Variants in XKR6 observed in about 807,000 individuals in gnomAD.
XKR6 encodes XK-related protein 6.
Under a neutral mutation model 56.7 loss-of-function variants are expected in XKR6, and 22 were observed. The ratio of observed to expected loss-of-function variants is 0.39; its 90% confidence interval spans 0.28 to 0.55. The LOEUF is 0.55. Ranked by LOEUF, XKR6 falls within the 20% of genes least tolerant of loss-of-function variation. The pLI, the probability that XKR6 is intolerant of heterozygous loss-of-function variation, is 0.66. For missense variants in XKR6, 852 were observed against 889.0 expected (o/e 0.96, Z 0.53); for synonymous variants, 524 against 387.8 (o/e 1.35, Z -4.13).
At chr8:11,039,738 C>T (rs865852171) in intron 1 of XKR6, among the ~76,000 whole-genome samples, 25 of 152,194 alleles carry the variant, frequency 1.6e-4, no homozygotes, top group Admixed American at 5.9e-4. Flanking sequence ...CAGCTGAGAC[C>T]GTAGGGCCTT....
At chr8:11,081,648 C>A (rs76036198) in intron 1 of XKR6, among the ~76,000 whole-genome samples, 1 of 152,166 alleles carries the variant, frequency 6.6e-6, no homozygotes, top group Non-Finnish European at 1.5e-5. Flanking sequence ...CCTTTCCCCA[C>A]GGCTCTGACT....
intron 1 of XKR6, among the ~76,000 whole-genome samples, chr8:11,109,983 T>C (rs1265955212): frequency 6.6e-6 from 1 of 152,206 alleles, no homozygotes; most frequent in African/African-American, 2.4e-5. Flanking sequence ...TTTTGTTTGT[T>C]TGTCTTTGAC....
rs758611449 is a variant in XKR6, at chr8:11,201,024, G to T, written c.316C>A (p.Gln106Lys). The T allele has an allele frequency of 1.9e-5, 23 of 1,207,268 alleles. No individual in the cohort carries two copies. In the African/African-American group the frequency reaches 3.4e-4, roughly 18 times the overall value. 74.8% of individuals were successfully genotyped at this position (1,207,268 alleles called of 1,614,324 possible). The change falls in exon 1 of 3, where the codon CAA (glutamine) becomes AAA (lysine). Residue 106 changes from glutamine to lysine, a missense_variant. Physicochemically the swap from Gln to Lys is moderately conservative, Grantham distance 53. This residue lies in a region of XKR6 where 417 missense variants were observed against 355.2 expected (regional missense o/e 1.17). Coordinates refer to ENST00000416569, the MANE Select transcript of XKR6 (RefSeq NM_173683.4). ...CGCGCGGCCGAGGGCGTCGGGGGTT[G>T]GCGGCCGGCGCCGGGGGCCGCGGGA... ...QPPAAPGAGRQPPTPSAARPE... is the reference protein window; with the variant it reads ...QPPAAPGAGRKPPTPSAARPE...
chr8:11,129,529 A>G (rs1298827932), intron 1 of XKR6, among the ~76,000 whole-genome samples: 1 of 152,194 alleles, frequency 6.6e-6, no homozygotes, highest in Admixed American at 6.5e-5. Flanking sequence ...CATCTTCAAG[A>G]GTCAGTAACT....
chr8:11,171,790 C>A (rs569123891), intron 1 of XKR6, among the ~76,000 whole-genome samples: 1 of 151,944 alleles, frequency 6.6e-6, no homozygotes, highest in Non-Finnish European at 1.5e-5. Flanking sequence ...CAGTGACTCA[C>A]GCCTGTAATC....
chr8:11,078,014 C>A (rs1395993770), intron 1 of XKR6, among the ~76,000 whole-genome samples: 1 of 152,148 alleles, frequency 6.6e-6, no homozygotes. Flanking sequence ...CATGGAAGGA[C>A]CTCAATGCTG....
chr8:11,182,304 C>T (rs548176694), intron 1 of XKR6, among the ~76,000 whole-genome samples: 1 of 152,276 alleles, frequency 6.6e-6, no homozygotes, highest in African/African-American at 2.4e-5. Context: ...AAATACCACA[C>T]AGTTCCTTTA....
At chr8:11,027,097 C>A (rs559352444) in intron 1 of XKR6, among the ~76,000 whole-genome samples, 1 of 152,222 alleles carries the variant, frequency 6.6e-6, no homozygotes, top group South Asian at 2.1e-4. Context: ...CTAGGCTATA[C>A]GGCATAGCCT....
At chr8:10,922,658 A>G (rs943243513) in intron 2 of XKR6, among the ~76,000 whole-genome samples, 1 of 152,176 alleles carries the variant, frequency 6.6e-6, no homozygotes, top group Non-Finnish European at 1.5e-5. Context: ...AGGGACTCCC[A>G]TGGCCGCAGC....
chr8:11,055,560 T>A (rs1279974770), intron 1 of XKR6, among the ~76,000 whole-genome samples: 2 of 152,164 alleles, frequency 1.3e-5, no homozygotes, highest in African/African-American at 4.8e-5. Flanking sequence ...CCGCCCCGCC[T>A]CACAGCACAG....
At chr8:11,089,907 T>A (rs919495583) in intron 1 of XKR6, among the ~76,000 whole-genome samples, 1 of 152,240 alleles carries the variant, frequency 6.6e-6, no homozygotes, top group Non-Finnish European at 1.5e-5. Context: ...TGCACACACA[T>A]AAACATATAT....
At chr8:11,147,894 G>A (rs1801071808) in intron 1 of XKR6, among the ~76,000 whole-genome samples, 1 of 152,020 alleles carries the variant, frequency 6.6e-6, no homozygotes. Context: ...ATTTGGAGAG[G>A]AGGTCTTTAA....
At chr8:10,962,219 T>A (rs998162659) in intron 1 of XKR6, among the ~76,000 whole-genome samples, 5 of 152,150 alleles carry the variant, frequency 3.3e-5, no homozygotes, top group African/African-American at 1.2e-4. Flanking sequence ...TTTAAATGCT[T>A]CCCCTAAAAC....
chr8:10,900,832 T>C (rs994767742), intron 2 of XKR6, among the ~76,000 whole-genome samples: 2 of 144,286 alleles, frequency 1.4e-5, no homozygotes, highest in African/African-American at 2.5e-5. Flanking sequence ...TGCAGATTTC[T>C]GGAGGGCAGA....
chr8:11,145,741 T>A (rs1319263254), intron 1 of XKR6, among the ~76,000 whole-genome samples: 2 of 152,132 alleles, frequency 1.3e-5, no homozygotes, highest in African/African-American at 2.4e-5. Context: ...TATTCATGGG[T>A]CAGAAGGTTT....
intron 1 of XKR6, among the ~76,000 whole-genome samples, chr8:11,175,864 A>T (rs11986909): frequency 0.029 from 4,419 of 152,206 alleles, 228 homozygotes; most frequent in African/African-American, 0.099. Flanking sequence ...ATTCATCATG[A>T]TCCATCTTTT....
chr8:10,989,317 T>C (rs373882954), intron 1 of XKR6, among the ~76,000 whole-genome samples: 1 of 152,240 alleles, frequency 6.6e-6, no homozygotes, highest in Non-Finnish European at 1.5e-5. Context: ...TTTCGTTGAA[T>C]TGTCTGTAAG....
chr8:11,111,008 A>ATT (rs58233543), intron 1 of XKR6, among the ~76,000 whole-genome samples: 1,229 of 113,962 alleles, frequency 0.011, 93 homozygotes, highest in African/African-American at 0.037. Context: ...GGCTTTTTCT[A>ATT]TTTTTTTTTT....
rs866019112 is a variant in XKR6 at position 11,114,761 on chromosome 8, G to C, written c.764+85815C>G. Among the ~76,000 whole-genome samples the C allele has an allele frequency of 2.0e-3, 276 of 140,564 alleles. 12 individuals carry two copies. The South Asian group carries it at 0.059, about 30-fold the overall frequency. The allele number at this position is 140,564 out of a possible 152,430, so 92.2% of individuals were successfully genotyped here. On this transcript the variant is annotated intron_variant, in intron 1 of 2. Transcript: ENST00000416569. The stretch of plus-strand genomic sequence containing the variant: ...TGTGTGTGTGTGTGTGTGTGTGTGT[G>C]TGTGTGTGTGTGTATGTGCCAGGGC...
Sources: gnomAD v4.1 joint callset for allele counts (sites outside exome capture counted in the v4.1 genomes callset) on GRCh38, gnomAD v4.1.1 for gene constraint, gnomAD v4.1.1 regional missense constraint, MANE v1.5 for transcripts, NCBI Gene and HGNC (gene_info 2026-07-23, HGNC 2026-07-21) for gene names.